The following ZNF391 variants were observed in gnomAD, a reference collection of about 807,000 sequenced individuals.
The protein encoded by ZNF391 is zinc finger protein 391.
For missense variants in ZNF391, 375 were observed against 425.5 expected (o/e 0.88, Z 1.04); for synonymous variants, 126 against 142.1 (o/e 0.89, Z 0.80).
At chr6:27,392,788 G>A (rs1761743243) in intron 1 of ZNF391, among the ~76,000 whole-genome samples, 2 of 152,236 alleles carry the variant, frequency 1.3e-5, no homozygotes, top group African/African-American at 2.4e-5. Flanking sequence ...AACACATACT[G>A]TATAGTATAA....
At chr6:27,392,654 G>A (rs1488226019) in intron 1 of ZNF391, among the ~76,000 whole-genome samples, 3 of 152,204 alleles carry the variant, frequency 2.0e-5, no homozygotes, top group Admixed American at 6.5e-5. Context: ...TACCCCTACA[G>A]CACTCTGAAG....
intron 1 of ZNF391, among the ~76,000 whole-genome samples, chr6:27,391,360 C>T (rs1471427769): frequency 6.6e-6 from 1 of 152,036 alleles, no homozygotes; most frequent in African/African-American, 2.4e-5. Context: ...TGCCCACCAC[C>T]ACGCCCAGCT....
chr6:27,401,240 G>A lies in ZNF391; in HGVS notation c.870G>A (p.Ser290=), dbSNP rs758852268. 11 of 1,614,036 alleles carry A rather than the reference G, an allele frequency of 6.8e-6. No homozygotes were observed. The highest frequency in any genetic ancestry group is 1.6e-4 in the Middle Eastern group (1 of 6,062). ...GTGGGAAAGTGTTCAGTCGAAGCTC[G>A]TCTCTTACAGAACATCAGAGAATCC... ...SECGKVFSRS[S]SLTEHQRIHS... The change falls in exon 3 of 3, where the codon TCG becomes TCA. Residue 290 remains serine, a synonymous_variant. Coordinates refer to ENST00000244576, the MANE Select transcript of ZNF391 (RefSeq NM_001076781.3).
At chr6:27,398,816 G>A (rs1010672558) in intron 1 of ZNF391, among the ~76,000 whole-genome samples, 4 of 152,030 alleles carry the variant, frequency 2.6e-5, no homozygotes, top group African/African-American at 7.3e-5. Context: ...CCGAGATCGC[G>A]CCATTGCACT....
upstream of ZNF391, among the ~76,000 whole-genome samples, chr6:27,386,416 C>T (rs1534936): frequency 0.71 from 108,000 of 151,960 alleles, 38,594 homozygotes; most frequent in Middle Eastern, 0.82. Flanking sequence ...CTAAAATTCA[C>T]ATGGAAAATC....
chr6:27,401,262 A>C lies in ZNF391; in HGVS notation c.892A>C (p.Ile298Leu), dbSNP rs1224639839. The C allele has an allele frequency of 6.2e-7, 1 of 1,614,168 alleles. No individual in the cohort carries two copies. Among genetic ancestry groups the C allele is most frequent in the Admixed American group, 1.7e-5 (1 of 60,028 alleles). Reference protein sequence around the residue: ...RSSSLTEHQRIHSGEKPHECR... With the variant: ...RSSSLTEHQRLHSGEKPHECR... ...CTCGTCTCTTACAGAACATCAGAGA[A>C]TCCACAGTGGAGAAAAGCCTCACGA... Residue 298 changes from isoleucine to leucine, a missense_variant, in exon 3 of 3, where the codon ATC becomes CTC. Physicochemically the swap from Ile to Leu is conservative, Grantham distance 5 (BLOSUM62 2). Transcript: ENST00000244576.
upstream of ZNF391, chr6:27,388,693 C>T (rs1023014040): frequency 3.0e-6 from 1 of 330,670 alleles, no homozygotes. Flanking sequence ...CAGCACAGCC[C>T]TGCTGTAGCT....
chr6:27,394,204 T>A (rs1251199140), intron 1 of ZNF391, among the ~76,000 whole-genome samples: 1 of 152,188 alleles, frequency 6.6e-6, no homozygotes. Flanking sequence ...CTCAAAGGCA[T>A]TTCAGAAATC....
At chr6:27,397,024 AAG>A (rs1331253549) in intron 1 of ZNF391, among the ~76,000 whole-genome samples, 2 of 152,314 alleles carry the variant, frequency 1.3e-5, no homozygotes, top group South Asian at 2.1e-4. Flanking sequence ...ACTGTAATAA[AAG>A]AGAGAGGTTA....
intron 1 of ZNF391, among the ~76,000 whole-genome samples, chr6:27,378,246 T>A (rs1317258891): frequency 6.6e-6 from 1 of 152,224 alleles, no homozygotes; most frequent in Non-Finnish European, 1.5e-5. Flanking sequence ...GCACCCCTTT[T>A]TAGTCAATTT....
At chr6:27,396,117 A>C (rs1325967968) in intron 1 of ZNF391, among the ~76,000 whole-genome samples, 1 of 152,170 alleles carries the variant, frequency 6.6e-6, no homozygotes, top group Non-Finnish European at 1.5e-5. Context: ...CTTCAGACCT[A>C]CTATTCCCTT....
At chr6:27,400,264 A>G (rs1471485417) in intron 2 of ZNF391, 29 bp from the exon 3 acceptor site, 5 of 923,848 alleles carry the variant, frequency 5.4e-6, no homozygotes, top group Non-Finnish European at 8.2e-6. Context: ...GTAGATACAG[A>G]TGACATTTAC....
At chr6:27,387,513 G>A (rs6913122), upstream of ZNF391, among the ~76,000 whole-genome samples, 107,216 of 152,114 alleles carry the variant, frequency 0.7, 38,039 homozygotes, top group Middle Eastern at 0.8. Flanking sequence ...TACACTGTTT[G>A]TGTATAAACA....
At chr6:27,396,623 G>A (rs2113657121) in intron 1 of ZNF391, among the ~76,000 whole-genome samples, 1 of 152,212 alleles carries the variant, frequency 6.6e-6, no homozygotes, top group Non-Finnish European at 1.5e-5. Context: ...CTACTTAGGA[G>A]GCTGAAGTCA....
upstream of ZNF391, among the ~76,000 whole-genome samples, chr6:27,385,631 T>C (rs1249669930): frequency 1.3e-5 from 2 of 152,110 alleles, no homozygotes; most frequent in African/African-American, 2.4e-5. Flanking sequence ...TCAAAATACA[T>C]GAGGCAAAAA....
At chr6:27,395,868 G>A (rs1358881737) in intron 1 of ZNF391, among the ~76,000 whole-genome samples, 1 of 152,046 alleles carries the variant, frequency 6.6e-6, no homozygotes, top group African/African-American at 2.4e-5. Flanking sequence ...CTCCAGAATG[G>A]GATATAGTAT....
intron 1 of ZNF391, among the ~76,000 whole-genome samples, chr6:27,394,359 T>C (rs1203171309): frequency 2.0e-5 from 3 of 152,208 alleles, no homozygotes; most frequent in Non-Finnish European, 4.4e-5. Context: ...ATGGTTCCAA[T>C]GGGCCCAGGT....
rs370847367 is a variant in ZNF391 at position 27,400,412 on chromosome 6, T to C, written c.42T>C (p.Asn14=). Reference sequence around the variant, plus strand: ...GGAATACTGCTCAGGGTCCTACAAATGAAGAAGACTATAAAAACGAAGGCC... The same window carrying C: ...GGAATACTGCTCAGGGTCCTACAAACGAAGAAGACTATAAAAACGAAGGCC... ...LRGNTAQGPT[N]EEDYKNEGQL... The change falls in exon 3 of 3, where the codon AAT becomes AAC. Residue 14 remains asparagine, a synonymous_variant. Transcript: ENST00000244576. 7.4e-6 allele frequency: 12 copies of C among 1,613,096 alleles called. No homozygotes were observed. Among genetic ancestry groups the C allele is most frequent in the African/African-American group, 1.3e-5 (1 of 74,774 alleles).
chr6:27,381,307 C>A (rs1023587102), intron 1 of ZNF391, among the ~76,000 whole-genome samples: 17 of 152,250 alleles, frequency 1.1e-4, no homozygotes, highest in Admixed American at 6.5e-4. Context: ...GCCGCTGGCC[C>A]GGGTGCTAAG....
Sources: allele counts gnomAD v4.1 joint callset (sites outside exome capture counted in the v4.1 genomes callset), GRCh38; gene constraint gnomAD v4.1.1; transcripts MANE v1.5; gene names NCBI Gene and HGNC (gene_info 2026-07-23, HGNC 2026-07-21).